Variants in BOD1L1 observed in about 807,000 individuals in gnomAD.
BOD1L1 encodes the protein biorientation of chromosomes in cell division protein 1-like 1.
BOD1L1 carries 86 observed loss-of-function variants against 240.7 expected under a neutral mutation model. The observed-to-expected ratio is 0.36, with a 90% CI of 0.30 to 0.43. The LOEUF (loss-of-function observed/expected upper bound fraction) is 0.43, where lower values mean the gene tolerates loss of function less well. Among genes scored for constraint, BOD1L1 ranks in the 20% least tolerant of loss-of-function variants. The probability of loss-of-function intolerance (pLI) is 1.00; values close to 1 mark genes in which losing one functional copy is unlikely to be tolerated. For synonymous variants in BOD1L1, 1,268 were observed against 1,272.3 expected (o/e 1.00, Z 0.07); for missense variants, 3,554 against 3,643.5 (o/e 0.98, Z 0.63).
rs374759828 is a variant in BOD1L1, at chr4:13,584,346, CTG to C, written c.8434-1612_8434-1611del. On this transcript the variant is annotated intron_variant, in intron 17 of 25. Coordinates refer to ENST00000040738, the MANE Select transcript of BOD1L1 (RefSeq NM_148894.3). ...TCAGCTCAGGACCTCTTCAAGTGCT[CTG>C]TGTGTGTGTGTGTGTGAGAGAGAGA... 9.3e-5 allele frequency among the ~76,000 whole-genome samples: 14 copies of C among 150,224 alleles called. No individual in the cohort carries two copies. The South Asian group carries it at 2.3e-3, about 25-fold the overall frequency.
chr4:13,619,076 A>G (rs1387139397), intron 2 of BOD1L1, among the ~76,000 whole-genome samples: 1 of 152,078 alleles, frequency 6.6e-6, no homozygotes, highest in Non-Finnish European at 1.5e-5. Context: ...TAATCCCAGC[A>G]CTTTCAGAAG....
intron 5 of BOD1L1, among the ~76,000 whole-genome samples, chr4:13,612,181 A>G (rs1490331282): frequency 1.3e-5 from 2 of 151,404 alleles, no homozygotes; most frequent in Non-Finnish European, 3.0e-5. Flanking sequence ...GAAATTGAAG[A>G]AAAAAAAATG....
At chr4:13,596,732 G>A in intron 11 of BOD1L1, among the ~76,000 whole-genome samples, 1 of 152,226 alleles carries the variant, frequency 6.6e-6, no homozygotes, top group East Asian at 1.9e-4. Context: ...AGTGAACTAA[G>A]CCTAATGGAG....
At chr4:13,574,429 AT>A (rs1412239166) in intron 25 of BOD1L1, among the ~76,000 whole-genome samples, 4 of 152,264 alleles carry the variant, frequency 2.6e-5, no homozygotes, top group African/African-American at 9.6e-5. Flanking sequence ...AGTTTATATT[AT>A]AAAGTGCATG....
At chr4:13,572,751 C>G in intron 25 of BOD1L1, 2 of 1,289,804 alleles carry the variant, frequency 1.6e-6, no homozygotes, top group South Asian at 1.2e-5. Context: ...GGTAACTTCT[C>G]TTTTGCTAAT....
chr4:13,614,612 G>A lies in BOD1L1; in HGVS notation c.758C>T (p.Ser253Leu), dbSNP rs751840730. The change falls in exon 4 of 26, where the codon TCA (serine) becomes TTA (leucine). Residue 253 changes from serine (S) to leucine (L), a missense_variant. By Grantham distance (145) the Ser-to-Leu change is moderately radical (BLOSUM62 -2). Coordinates refer to ENST00000040738, the MANE Select transcript of BOD1L1 (RefSeq NM_148894.3). ...TDTSTDKERT[S>L]EDMADKEKST... ...TTTTTCTTTATCAGCCATGTCCTCT[G>A]AAGTTCTTTCTTTGTCAGTACTAGT... The A allele has an allele frequency of 1.2e-6, 2 of 1,613,908 alleles. No individual in the cohort carries two copies. Among genetic ancestry groups the A allele is most frequent in the South Asian group, 1.1e-5 (1 of 91,078 alleles).
chr4:13,580,067 A>T (rs1247998681), intron 21 of BOD1L1, 94 bp from the exon 22 acceptor site: 1 of 896,098 alleles, frequency 1.1e-6, no homozygotes, highest in Non-Finnish European at 1.7e-6. Context: ...GTGGTATAGG[A>T]TCTTTATTTA....
In BOD1L1 at chr4:13,604,586, T is replaced by C. The variant is rs1715525520; in HGVS notation, c.2314A>G (p.Ile772Val). 1 of 1,569,308 alleles carries C rather than the reference T, an allele frequency of 6.4e-7. No homozygotes were observed. Among genetic ancestry groups the C allele is most frequent in the Non-Finnish European group, 8.6e-7 (1 of 1,166,442 alleles). The part of the protein sequence containing the change: ...SEKGLKVEEN[I>V]QKQSQQTKLS... Reference sequence around the variant, plus strand: ...TTTGTTTGTTGACTTTGCTTTTGAATATTTTCCTCTACTTTTAAACCTTTC... The same window carrying C: ...TTTGTTTGTTGACTTTGCTTTTGAACATTTTCCTCTACTTTTAAACCTTTC... The change falls in exon 10 of 26, where the codon ATT (isoleucine) becomes GTT (valine). Residue 772 changes from isoleucine to valine, a missense_variant. Physicochemically the swap from Ile to Val is conservative, Grantham distance 29 (BLOSUM62 3). Transcript: ENST00000040738.
At chr4:13,589,127 C>CG (rs748889078) in intron 14 of BOD1L1, among the ~76,000 whole-genome samples, 5 of 152,198 alleles carry the variant, frequency 3.3e-5, no homozygotes, top group Non-Finnish European at 5.9e-5. Context: ...TATTAAGAAG[C>CG]ATCACTGAAA....
rs775689529 is a variant in BOD1L1 at position 13,601,015 on chromosome 4, A to C, written c.5885T>G (p.Val1962Gly). 6 of 1,613,990 alleles carry C rather than the reference A, an allele frequency of 3.7e-6. No individual in the cohort carries two copies. The highest frequency in any genetic ancestry group is 5.1e-6 in the Non-Finnish European group (6 of 1,179,898). The change falls in exon 10 of 26, where the codon GTC (valine) becomes GGC (glycine). Residue 1962 changes from valine (V) to glycine (G), a missense_variant. By Grantham distance (109) the Val-to-Gly change is moderately radical (BLOSUM62 -3). Around this residue, in one of 2 missense-constraint regions of BOD1L1, gnomAD observed 3,393 missense variants for 3,427.1 expected, o/e 0.99. Coordinates refer to ENST00000040738, the MANE Select transcript of BOD1L1 (RefSeq NM_148894.3). ...GIVESSVTSAVSGKDEVTPVP... is the reference protein window; with the variant it reads ...GIVESSVTSAGSGKDEVTPVP... ...TGGTGTCACTTCATCCTTTCCTGAG[A>C]CTGCACTGGTCACACTGCTTTCTAC...
chr4:13,588,357 ATTAT>A (rs1442303441), intron 15 of BOD1L1, among the ~76,000 whole-genome samples: 1 of 152,224 alleles, frequency 6.6e-6, no homozygotes, highest in Admixed American at 6.5e-5. Context: ...ATTTAAAAAA[ATTAT>A]TTATCATTTC....
chr4:13,598,358 A>G (rs558194359), intron 10 of BOD1L1, among the ~76,000 whole-genome samples: 1 of 152,304 alleles, frequency 6.6e-6, no homozygotes, highest in East Asian at 1.9e-4. Flanking sequence ...CTGAACAAAC[A>G]AATACTGCAA....
At chr4:13,621,866 CTTTTTTTT>C (rs144306218) in intron 1 of BOD1L1, among the ~76,000 whole-genome samples, 1 of 108,964 alleles carries the variant, frequency 9.2e-6, no homozygotes. Flanking sequence ...AAAATTAATT[CTTTTTTTT>C]TTTTTTTTTT....
At chr4:13,594,817 C>T (rs895656271) in intron 12 of BOD1L1, among the ~76,000 whole-genome samples, 4 of 152,248 alleles carry the variant, frequency 2.6e-5, no homozygotes, top group African/African-American at 9.6e-5. Flanking sequence ...ATAGCTTGAA[C>T]CAGGGAGTCA....
At chr4:13,582,199 A>G (rs780967935) in intron 19 of BOD1L1, 38 bp downstream of exon 19, 4 of 1,535,134 alleles carry the variant, frequency 2.6e-6, no homozygotes, top group Middle Eastern at 1.7e-4. Flanking sequence ...TAGTGCTTAA[A>G]TAATTGTGAA....
intron 12 of BOD1L1, chr4:13,592,695 A>T (rs1245463323): frequency 6.6e-6 from 1 of 152,224 alleles, no homozygotes; most frequent in Non-Finnish European, 1.5e-5. Flanking sequence ...ATGTCAGTAT[A>T]AATGACTTAC....
In BOD1L1 at chr4:13,602,559, A is replaced by G. The variant is rs754949085; in HGVS notation, c.4341T>C (p.Asn1447=). The change falls in exon 10 of 26, where the codon AAT becomes AAC. Residue 1447 remains asparagine (N), a synonymous_variant. Coordinates refer to ENST00000040738, the MANE Select transcript of BOD1L1 (RefSeq NM_148894.3). ...GIAVDHVVGL[N]TEKYAETVKL... is the part of the protein sequence containing the mutation. ...TGACAGTTTCAGCATATTTTTCTGT[A>G]TTCAGGCCTACAACATGATCAACAG... The G allele has an allele frequency of 6.2e-7, 1 of 1,613,952 alleles. No individual in the cohort carries two copies. The highest frequency in any genetic ancestry group is 1.3e-5 in the African/African-American group (1 of 75,006).
At chr4:13,577,673 G>A (rs1181739279) in intron 22 of BOD1L1, 42 bp from the exon 23 acceptor site, 1 of 1,436,664 alleles carries the variant, frequency 7.0e-7, no homozygotes, top group East Asian at 2.5e-5. Context: ...TTTTATTACT[G>A]TAAATTTAAA....
chr4:13,607,293 C>T (rs764368548), intron 8 of BOD1L1, 104 bp from the exon 9 acceptor site: 3 of 472,096 alleles, frequency 6.4e-6, no homozygotes, highest in Non-Finnish European at 9.8e-6. Flanking sequence ...TTTTATTTAT[C>T]TTATTTTATT....
Sources: gnomAD v4.1 joint callset for allele counts (sites outside exome capture counted in the v4.1 genomes callset) on GRCh38, gnomAD v4.1.1 for gene constraint, gnomAD v4.1.1 regional missense constraint, MANE v1.5 for transcripts, NCBI Gene and HGNC (gene_info 2026-07-23, HGNC 2026-07-21) for gene names.